The following TUT4 variants were observed in gnomAD, a reference collection of about 807,000 sequenced individuals.
TUT4 encodes terminal uridylyl transferase 4, also known as terminal uridylyltransferase 4.
TUT4 carries 36 observed loss-of-function variants against 192.2 expected under a neutral mutation model. The ratio of observed to expected loss-of-function variants is 0.19; its 90% CI spans 0.14 to 0.25. The LOEUF is 0.25. Ranked by LOEUF, TUT4 falls within the 10% of genes least tolerant of loss-of-function variation. TUT4 has a pLI of 1.00. For missense variants in TUT4, 1,493 were observed against 1,957.2 expected (o/e 0.76, Z 4.47); for synonymous variants, 618 against 666.0 (o/e 0.93, Z 1.11).
rs1486980483 is a variant in TUT4 at position 52,475,338 on chromosome 1, T to C, written c.2221A>G (p.Met741Val). ...SNKKPVKSNNMATNGCILLGE... is the reference protein window; with the variant it reads ...SNKKPVKSNNVATNGCILLGE... ...AGCAGAATACAACCATTGGTTGCCA[T>C]ATTGTTCGACTTGACTGGTTTCTTA... Residue 741 changes from methionine to valine, a missense_variant, in exon 13 of 30, where the codon ATG becomes GTG. By Grantham distance (21) the Met-to-Val change is conservative. Around this residue, in one of 7 missense-constraint regions of TUT4, gnomAD observed 245 missense variants for 218.4 expected, o/e 1.12. Transcript: ENST00000257177. 6.2e-7 allele frequency: 1 copy of C among 1,614,178 alleles called. No homozygotes were observed. Among genetic ancestry groups the C allele is most frequent in the Non-Finnish European group, 8.5e-7 (1 of 1,180,022 alleles).
At position 52,526,241 on chromosome 1, in the gene TUT4, G is replaced by A. The variant is rs764726921; in HGVS notation, c.40C>T (p.Pro14Ser). 4 of 1,580,108 alleles carry A rather than the reference G, an allele frequency of 2.5e-6. No homozygotes were observed. Among genetic ancestry groups the A allele is most frequent in the Non-Finnish European group, 3.4e-6 (4 of 1,170,832 alleles). The change falls in exon 2 of 30, where the codon CCA becomes TCA. Residue 14 changes from proline to serine, a missense_variant. Pro to Ser is a moderately conservative substitution (Grantham distance 74, BLOSUM62 -1). Around this residue, in one of 7 missense-constraint regions of TUT4, gnomAD observed 260 missense variants for 247.8 expected, o/e 1.05. Coordinates refer to ENST00000257177, the MANE Select transcript of TUT4 (RefSeq NM_001009881.3). ...TCTTCACAAATAACATTCTTCTTTG[G>A]TTCATGATTTTCACTTTTTAAGGTT... The part of the protein sequence containing the change: ...SKTLKSENHE[P>S]KKNVICEESK...
intron 15 of TUT4, among the ~76,000 whole-genome samples, chr1:52,466,028 G>C (rs185777485): frequency 6.6e-6 from 1 of 152,246 alleles, no homozygotes; most frequent in East Asian, 1.9e-4. Flanking sequence ...TAACAGGTGT[G>C]TGCCACTGGG....
Position 52,446,600 on chromosome 1 carries a change from G to T in TUT4, c.3503C>A (p.Thr1168Lys). 6.2e-7 allele frequency: 1 copy of T among 1,606,542 alleles called. No individual in the cohort carries two copies. The highest frequency in any genetic ancestry group is 8.5e-7 in the Non-Finnish European group (1 of 1,176,936). Reference sequence around the variant, plus strand: ...CTATTTTAAAATTACCAGTTCTTCTGTTTTATCAAAGAAGAAAGCATTCCA... The same window carrying T: ...CTATTTTAAAATTACCAGTTCTTCTTTTTTATCAAAGAAGAAAGCATTCCA... ...DGWNAFFFDK[T>K]EELKKRLPSL... Residue 1168 changes from threonine (T) to lysine (K), a missense_variant, in exon 21 of 30, where the codon ACA (threonine) becomes AAA (lysine). Around this residue, in one of 7 missense-constraint regions of TUT4, gnomAD observed 141 missense variants for 382.7 expected, o/e 0.37. Transcript: ENST00000257177.
At chr1:52,489,218 G>C (rs1670544785) in intron 8 of TUT4, among the ~76,000 whole-genome samples, 183 bp from the exon 9 acceptor site, 1 of 152,138 alleles carries the variant, frequency 6.6e-6, no homozygotes, top group Non-Finnish European at 1.5e-5. Flanking sequence ...TCCATAACTA[G>C]AGTTCCATAC....
At chr1:52,497,317 A>C in intron 4 of TUT4, 134 bp from the exon 5 acceptor site, 1 of 883,702 alleles carries the variant, frequency 1.1e-6, no homozygotes, top group Non-Finnish European at 1.6e-6. Flanking sequence ...GATACCTACA[A>C]TACGGAAGTG....
At chr1:52,462,179 T>G (rs1662760816) in intron 16 of TUT4, 1 of 152,218 alleles carries the variant, frequency 6.6e-6, no homozygotes. Flanking sequence ...TCAAATCTTT[T>G]TTTTTTTTTT....
chr1:52,486,524 A>G (rs1255093271), intron 9 of TUT4, among the ~76,000 whole-genome samples: 2 of 152,186 alleles, frequency 1.3e-5, no homozygotes, highest in Non-Finnish European at 2.9e-5. Flanking sequence ...GCTTAACTAG[A>G]TAATGTACAA....
intron 16 of TUT4, chr1:52,462,582 TA>T: frequency 3.2e-6 from 1 of 309,974 alleles, no homozygotes; most frequent in Non-Finnish European, 4.7e-6. Context: ...AAGATAATCA[TA>T]AACTCCTGTC....
At chr1:52,518,929 T>G (rs1424070382) in intron 2 of TUT4, among the ~76,000 whole-genome samples, 2 of 152,170 alleles carry the variant, frequency 1.3e-5, no homozygotes, top group Non-Finnish European at 2.9e-5. Context: ...ATTGTATACT[T>G]TAAAATGGTT....
At chr1:52,448,051 C>A (rs12121100) in intron 20 of TUT4, among the ~76,000 whole-genome samples, 38,870 of 152,102 alleles carry the variant, frequency 0.26, 6,200 homozygotes, top group East Asian at 0.45. Context: ...GATTTAAGTT[C>A]TTTGTGGGTA....
Position 52,495,494 on chromosome 1 carries a change from C to A in TUT4, c.1199G>T (p.Gly400Val). The A allele has an allele frequency of 6.2e-7, 1 of 1,609,378 alleles. No homozygotes were observed. The highest frequency in any genetic ancestry group is 8.5e-7 in the Non-Finnish European group (1 of 1,177,314). ...FLPECSLRLY[G>V]SSLTRFALKS... ...CAGAGCAAATCTAGTCAGAGATGAGCCATACAACCTAAGTGAACATTCTGG... is the reference window on the plus strand; with the variant it reads ...CAGAGCAAATCTAGTCAGAGATGAGACATACAACCTAAGTGAACATTCTGG... The change falls in exon 6 of 30, where the codon GGC (glycine) becomes GTC (valine). Residue 400 changes from glycine to valine, a missense_variant. Transcript: ENST00000257177.
At position 52,481,880 on chromosome 1, in the gene TUT4, T is replaced by C. The variant is rs1041342363; in HGVS notation, c.1559A>G (p.Tyr520Cys). 2.5e-6 allele frequency: 4 copies of C among 1,597,260 alleles called. No homozygotes were observed. Among genetic ancestry groups the C allele is most frequent in the Non-Finnish European group, 3.4e-6 (4 of 1,175,708 alleles). ...AAACATCACCATTAAAGCAAAACAG[T>C]AAGAAGGGATTCCACCATCAGTTTG... ...DSQTDGGIPSYCFALMVMFFL... is the reference protein window; with the variant it reads ...DSQTDGGIPSCCFALMVMFFL... The change falls in exon 10 of 30, where the codon TAC becomes TGC. Residue 520 changes from tyrosine (Y) to cysteine (C), a missense_variant. By Grantham distance (194) the Tyr-to-Cys change is radical. Around this residue, in one of 7 missense-constraint regions of TUT4, gnomAD observed 437 missense variants for 577.6 expected, o/e 0.76. Coordinates refer to ENST00000257177, the MANE Select transcript of TUT4 (RefSeq NM_001009881.3).
At chr1:52,499,352 C>T (rs958919782) in intron 4 of TUT4, among the ~76,000 whole-genome samples, 6 of 151,884 alleles carry the variant, frequency 4.0e-5, no homozygotes, top group Non-Finnish European at 4.4e-5. Flanking sequence ...GAGCCAAGAT[C>T]GTGCCATTGC....
At chr1:52,532,619 T>G (rs895450492) in intron 1 of TUT4, among the ~76,000 whole-genome samples, 4 of 152,188 alleles carry the variant, frequency 2.6e-5, no homozygotes, top group African/African-American at 9.6e-5. Flanking sequence ...CCTTACCTAT[T>G]ATCTGCTAAC....
chr1:52,520,733 T>G (rs1680019056), intron 2 of TUT4, among the ~76,000 whole-genome samples: 1 of 152,192 alleles, frequency 6.6e-6, no homozygotes, highest in African/African-American at 2.4e-5. Flanking sequence ...CCCTATGTCG[T>G]TCCTATTTCA....
chr1:52,440,800 T>A (rs1364371177), intron 24 of TUT4, among the ~76,000 whole-genome samples: 1 of 152,216 alleles, frequency 6.6e-6, no homozygotes, highest in Non-Finnish European at 1.5e-5. Context: ...ATATACGTAC[T>A]TACATAATGA....
rs1663752265 is a variant in TUT4 at position 52,465,158 on chromosome 1, C to G, written c.2981G>C (p.Cys994Ser). The G allele has an allele frequency of 6.2e-7, 1 of 1,613,336 alleles. No homozygotes were observed. Among genetic ancestry groups the G allele is most frequent in the Non-Finnish European group, 8.5e-7 (1 of 1,179,730 alleles). ...QKEYDEKARLCLFGSSKNGFG... is the reference protein window; with the variant it reads ...QKEYDEKARLSLFGSSKNGFG... ...TCCATTCTTAGAAGAGCCAAATAAGCACAACCTTGCCTTTTCTAAGCAAAG... is the reference window on the plus strand; with the variant it reads ...TCCATTCTTAGAAGAGCCAAATAAGGACAACCTTGCCTTTTCTAAGCAAAG... Residue 994 changes from cysteine (C) to serine (S), a missense_variant, in exon 16 of 30, where the codon TGC (cysteine) becomes TCC (serine). Around this residue, in one of 7 missense-constraint regions of TUT4, gnomAD observed 59 missense variants for 114.3 expected, o/e 0.52. Transcript: ENST00000257177.
intron 4 of TUT4, among the ~76,000 whole-genome samples, chr1:52,501,116 C>T (rs927875503): frequency 2.0e-5 from 3 of 151,838 alleles, no homozygotes; most frequent in African/African-American, 4.8e-5. Context: ...TTAGACTGGA[C>T]GAAATTTAGA....
chr1:52,438,012 A>C (rs1228564139), intron 25 of TUT4, among the ~76,000 whole-genome samples: 1 of 152,142 alleles, frequency 6.6e-6, no homozygotes, highest in Non-Finnish European at 1.5e-5. Flanking sequence ...TGAATTAATG[A>C]ATAAATGAAC....
Sources: gnomAD v4.1 joint callset for allele counts (sites outside exome capture counted in the v4.1 genomes callset) on GRCh38, gnomAD v4.1.1 for gene constraint, gnomAD v4.1.1 regional missense constraint, MANE v1.5 for transcripts, NCBI Gene and HGNC (gene_info 2026-07-23, HGNC 2026-07-21) for gene names.